Variants in ATP13A4 observed in about 807,000 individuals in gnomAD.
ATP13A4 encodes ATPase 13A4.
ATP13A4 carries 114 observed loss-of-function variants against 142.5 expected under a neutral mutation model. The observed-to-expected ratio is 0.80, with a 90% CI of 0.69 to 0.93. The LOEUF (loss-of-function observed/expected upper bound fraction) is 0.93, where lower values mean the gene tolerates loss of function less well. Among genes scored for constraint, ATP13A4 ranks in the 40% least tolerant of loss-of-function variants. The pLI is 0.00. For missense variants in ATP13A4, 1,392 were observed against 1,454.0 expected (o/e 0.96, Z 0.69); for synonymous variants, 488 against 514.8 (o/e 0.95, Z 0.70).
rs779306515 is a variant in ATP13A4, at chr3:193,411,086, C to T, written c.3209-16G>A. On this transcript the variant is annotated splice_polypyrimidine_tract_variant and intron_variant, in intron 27 of 29. Transcript: ENST00000342695. ...ACAAATATATCTGAGGAAATAAGAA[C>T]ACAAGGTATTATTTTGAGAAATCAG... 3.9e-6 allele frequency: 6 copies of T among 1,542,222 alleles called. No individual in the cohort carries two copies. Among genetic ancestry groups the T allele is most frequent in the African/African-American group, 1.4e-5 (1 of 73,526 alleles).
exon 1 of ATP13A4, chr3:193,593,079 C>T (rs1272040176): frequency 2.6e-6 from 1 of 384,850 alleles, no homozygotes; most frequent in South Asian, 1.1e-4. Context: ...CCGTGAGAGG[C>T]GATGGATTGC....
At chr3:193,452,057 C>T (rs2108631786) in intron 17 of ATP13A4, among the ~76,000 whole-genome samples, 1 of 152,284 alleles carries the variant, frequency 6.6e-6, no homozygotes, top group Middle Eastern at 3.4e-3. Context: ...TCACTATTCC[C>T]CATTGCTCAT....
chr3:193,559,713 C>T (rs148801017), upstream of ATP13A4, among the ~76,000 whole-genome samples: 482 of 152,310 alleles, frequency 3.2e-3, 1 homozygote, highest in African/African-American at 0.011. Flanking sequence ...CAAATATCCC[C>T]GTTCAGCACC....
upstream of ATP13A4, chr3:193,554,898 A>G (rs1253594517): frequency 4.3e-6 from 7 of 1,611,038 alleles, no homozygotes; most frequent in Non-Finnish European, 5.1e-6. Context: ...AGCTGACTAA[A>G]AGAGTTAATG....
chr3:193,517,695 A>G (rs1159352594), intron 1 of ATP13A4, among the ~76,000 whole-genome samples: 22 of 147,104 alleles, frequency 1.5e-4, no homozygotes, highest in South Asian at 8.4e-4. Context: ...CGTGTTGGCC[A>G]GGATGGTCTC....
At chr3:193,494,923 GA>G (rs1720142400) in intron 3 of ATP13A4, among the ~76,000 whole-genome samples, 1 of 151,828 alleles carries the variant, frequency 6.6e-6, no homozygotes, top group Non-Finnish European at 1.5e-5. Flanking sequence ...GAGACATTAC[GA>G]ATGATAACAA....
intron 14 of ATP13A4, chr3:193,458,558 C>A: frequency 6.1e-6 from 1 of 163,868 alleles, no homozygotes; most frequent in Admixed American, 5.7e-5. Flanking sequence ...GCTCTTAAAT[C>A]TAGTTTAGAG....
intron 10 of ATP13A4, among the ~76,000 whole-genome samples, chr3:193,467,003 T>C (rs1018890369): frequency 6.6e-6 from 1 of 152,088 alleles, no homozygotes; most frequent in Non-Finnish European, 1.5e-5. Flanking sequence ...CTATAGTCAA[T>C]AATAACTTAA....
chr3:193,529,222 A>G (rs1014663567), intron 1 of ATP13A4, among the ~76,000 whole-genome samples: 3 of 151,590 alleles, frequency 2.0e-5, no homozygotes, highest in Non-Finnish European at 4.4e-5. Flanking sequence ...GTGAGCTGAG[A>G]TCGCGCCACT....
At chr3:193,427,021 A>G (rs1715703670) in intron 25 of ATP13A4, among the ~76,000 whole-genome samples, 1 of 152,042 alleles carries the variant, frequency 6.6e-6, no homozygotes. Flanking sequence ...AAAAACTTGG[A>G]CATTATTTAA....
chr3:193,490,738 G>T (rs1265771836), intron 6 of ATP13A4, among the ~76,000 whole-genome samples: 1 of 152,066 alleles, frequency 6.6e-6, no homozygotes, highest in African/African-American at 2.4e-5. Flanking sequence ...GAAATATTTT[G>T]AAAGTACCTG....
chr3:193,514,617 A>G (rs947717695), intron 2 of ATP13A4, 81 bp downstream of exon 2: 3 of 1,559,420 alleles, frequency 1.9e-6, no homozygotes, highest in Non-Finnish European at 1.8e-6. Flanking sequence ...TGTCTTGTGC[A>G]CATCTCCCCC....
chr3:193,422,290 A>G (rs1715445398), intron 25 of ATP13A4, among the ~76,000 whole-genome samples: 1 of 149,994 alleles, frequency 6.7e-6, no homozygotes, highest in African/African-American at 2.4e-5. Context: ...GGGGACTTCA[A>G]TAACCCACTT....
intron 2 of ATP13A4, among the ~76,000 whole-genome samples, chr3:193,575,452 A>T (rs1724371754): frequency 6.6e-6 from 1 of 152,186 alleles, no homozygotes; most frequent in South Asian, 2.1e-4. Context: ...TTTGAATTGC[A>T]CAGGAATTTG....
chr3:193,573,308 C>CTTATATATAT lies in ATP13A4; in HGVS notation n.291+8398_291+8399insATATATATAA, dbSNP rs1229145689. 1.3e-4 allele frequency among the ~76,000 whole-genome samples: 13 copies of CTTATATATAT among 103,656 alleles called. No homozygotes were observed. In the South Asian group the frequency reaches 2.3e-3, roughly 18 times the overall value. The allele number at this position is 103,656 out of a possible 152,430, so 68.0% of individuals were successfully genotyped here. The stretch of plus-strand genomic sequence containing the variant: ...ATATATACACATATATATATATATA[C>CTTATATATAT]ATATATATATATATATATAATTTGT... On this transcript the variant is annotated intron_variant and non_coding_transcript_variant, in intron 2 of 3. Coordinates refer to the ATP13A4 transcript ENST00000489140.
intron 27 of ATP13A4, among the ~76,000 whole-genome samples, chr3:193,411,284 T>C (rs1217187810): frequency 2.0e-5 from 3 of 152,164 alleles, no homozygotes; most frequent in Non-Finnish European, 4.4e-5. Flanking sequence ...ACATGCACAT[T>C]TTAAGTTTCA....
intron 1 of ATP13A4, among the ~76,000 whole-genome samples, chr3:193,525,585 C>T (rs1721955009): frequency 6.6e-6 from 1 of 152,132 alleles, no homozygotes; most frequent in Non-Finnish European, 1.5e-5. Flanking sequence ...GGGTCCCACA[C>T]CTCCAATAAA....
chr3:193,542,028 G>T (rs2108717453), intron 1 of ATP13A4, among the ~76,000 whole-genome samples: 2 of 152,264 alleles, frequency 1.3e-5, no homozygotes, highest in Middle Eastern at 6.8e-3. Context: ...AAAAGAGGAA[G>T]TCATACTGTC....
intron 6 of ATP13A4, among the ~76,000 whole-genome samples, chr3:193,490,499 A>G (rs1719886153): frequency 6.6e-6 from 1 of 152,250 alleles, no homozygotes; most frequent in African/African-American, 2.4e-5. Context: ...TGAAAGCAGT[A>G]AGCTGTAATA....
Sources: allele counts gnomAD v4.1 joint callset (sites outside exome capture counted in the v4.1 genomes callset), GRCh38; gene constraint gnomAD v4.1.1; transcripts MANE v1.5; gene names NCBI Gene and HGNC (gene_info 2026-07-23, HGNC 2026-07-21).